Variants in CAMKMT observed in about 807,000 individuals in gnomAD.
The protein encoded by CAMKMT is CaM KMT.
CAMKMT carries 53 observed loss-of-function variants against 48.0 expected under a neutral mutation model. The ratio of observed to expected loss-of-function variants is 1.10; its 90% CI spans 0.89 to 1.39. The LOEUF (loss-of-function observed/expected upper bound fraction) is 1.39. Among genes scored for constraint, CAMKMT ranks in the 40% most tolerant of loss-of-function variants. The pLI is 0.00. For synonymous variants in CAMKMT, 165 were observed against 152.3 expected (o/e 1.08, Z -0.61); for missense variants, 428 against 402.7 (o/e 1.06, Z -0.54).
intron 3 of CAMKMT, among the ~76,000 whole-genome samples, chr2:44,568,059 G>C (rs1443117868): frequency 6.6e-6 from 1 of 151,956 alleles, no homozygotes; most frequent in East Asian, 1.9e-4. Flanking sequence ...CCAGGGGCCA[G>C]GGTGGGGGTG....
intron 2 of CAMKMT, among the ~76,000 whole-genome samples, chr2:44,377,062 A>G (rs886129969): frequency 7.6e-4 from 115 of 152,202 alleles, no homozygotes; most frequent in African/African-American, 2.7e-3. Context: ...GCTGGTATGC[A>G]GTGGCATGAT....
chr2:44,688,867 T>G (rs1405206636), intron 3 of CAMKMT, among the ~76,000 whole-genome samples: 1 of 152,202 alleles, frequency 6.6e-6, no homozygotes, highest in East Asian at 1.9e-4. Context: ...TTAATGAATG[T>G]GTTCTGTTCT....
At position 44,627,339 on chromosome 2, in the gene CAMKMT, A is replaced by AT. The variant is rs762902278; in HGVS notation, c.377-76943dup. Among the ~76,000 whole-genome samples the AT allele has an allele frequency of 9.7e-4, 148 of 152,118 alleles. 1 individual carries two copies. The highest frequency in any genetic ancestry group is 1.3e-3 in the Non-Finnish European group (88 of 68,012). ...TTCATACTAGTTACAGTCTTTTTAA[A>AT]TAAGTTTTATTATAGTTTCTTTTTG... On this transcript the variant is annotated intron_variant, in intron 3 of 10. Transcript: ENST00000378494.
intron 8 of CAMKMT, among the ~76,000 whole-genome samples, chr2:44,746,905 G>T (rs1679941288): frequency 6.6e-6 from 1 of 152,178 alleles, no homozygotes. Flanking sequence ...TAATCTAAGG[G>T]TCTGGAAGTA....
At position 44,614,418 on chromosome 2, in the gene CAMKMT, G is replaced by T. The variant is rs888291917; in HGVS notation, c.377-89865G>T. Among the ~76,000 whole-genome samples the T allele has an allele frequency of 8.5e-5, 13 of 152,296 alleles. No individual in the cohort carries two copies. In the South Asian group the frequency reaches 1.0e-3, roughly 12 times the overall value. Reference sequence around the variant, plus strand: ...CAGTTGCATTGCATTCTTCATATTTGTCGAAGGCACATATTTATTGAATGT... The same window carrying T: ...CAGTTGCATTGCATTCTTCATATTTTTCGAAGGCACATATTTATTGAATGT... On this transcript the variant is annotated intron_variant, in intron 3 of 10. Transcript: ENST00000378494.
chr2:44,470,333 T>G (rs1234651346), intron 3 of CAMKMT, among the ~76,000 whole-genome samples: 1 of 152,196 alleles, frequency 6.6e-6, no homozygotes, highest in Non-Finnish European at 1.5e-5. Flanking sequence ...CAATTTGCAT[T>G]CCACTACCAG....
chr2:44,479,158 T>G (rs554815075), intron 3 of CAMKMT, among the ~76,000 whole-genome samples: 1 of 152,342 alleles, frequency 6.6e-6, no homozygotes, highest in Non-Finnish European at 1.5e-5. Flanking sequence ...CTGGCATCTT[T>G]ATAGTTACTT....
At chr2:44,460,962 G>C (rs1305754775) in intron 3 of CAMKMT, among the ~76,000 whole-genome samples, 1 of 151,956 alleles carries the variant, frequency 6.6e-6, no homozygotes, top group Non-Finnish European at 1.5e-5. Context: ...GCCTCAAAGT[G>C]ATCCACCCGC....
At chr2:44,689,264 T>TTCTATTTA (rs1553438291) in intron 3 of CAMKMT, among the ~76,000 whole-genome samples, 1 of 136,208 alleles carries the variant, frequency 7.3e-6, no homozygotes, top group Non-Finnish European at 1.6e-5. Flanking sequence ...CAGCACTATT[T>TTCTATTTA]TTTATTTATT....
chr2:44,420,838 C>T (rs867203378), intron 3 of CAMKMT, among the ~76,000 whole-genome samples: 24 of 148,246 alleles, frequency 1.6e-4, no homozygotes, highest in Middle Eastern at 6.8e-3. Context: ...TTTTTTTTTT[C>T]CCCCCTTGGG....
chr2:44,612,342 G>A (rs1671646137), intron 3 of CAMKMT, among the ~76,000 whole-genome samples: 1 of 152,144 alleles, frequency 6.6e-6, no homozygotes, highest in African/African-American at 2.4e-5. Context: ...AAAATTTTCA[G>A]TATCTCCCTG....
At chr2:44,505,710 G>C (rs1342982060) in intron 3 of CAMKMT, among the ~76,000 whole-genome samples, 1 of 152,132 alleles carries the variant, frequency 6.6e-6, no homozygotes, top group African/African-American at 2.4e-5. Context: ...CTTGCTGTCA[G>C]AGGCGGAAGA....
chr2:44,715,812 A>G (rs1678147266), intron 7 of CAMKMT, among the ~76,000 whole-genome samples: 1 of 152,180 alleles, frequency 6.6e-6, no homozygotes, highest in South Asian at 2.1e-4. Context: ...CAGGGATTCC[A>G]CTGAACATCC....
At position 44,438,773 on chromosome 2, in the gene CAMKMT, C is replaced by T. The variant is rs560026207; in HGVS notation, c.376+48468C>T. On this transcript the variant is annotated intron_variant, in intron 3 of 10. Transcript: ENST00000378494. ...AGTGCAGTGGCACAATCACGGCTCGCTGCAGCCTTTGCCTCCCAGGTTCAA... is the reference window on the plus strand; with the variant it reads ...AGTGCAGTGGCACAATCACGGCTCGTTGCAGCCTTTGCCTCCCAGGTTCAA... Among the ~76,000 whole-genome samples the T allele has an allele frequency of 2.3e-4, 35 of 152,278 alleles. No homozygotes were observed. The South Asian group carries it at 7.0e-3, about 31-fold the overall frequency.
intron 7 of CAMKMT, among the ~76,000 whole-genome samples, chr2:44,727,696 G>A (rs892969354): frequency 3.3e-5 from 5 of 152,140 alleles, no homozygotes. Context: ...AGTTCTCAAG[G>A]GAAATGGTTT....
chr2:44,524,494 TTTC>T (rs1396444410), intron 3 of CAMKMT, among the ~76,000 whole-genome samples: 5 of 152,190 alleles, frequency 3.3e-5, no homozygotes, highest in African/African-American at 9.7e-5. Flanking sequence ...CTTCTTCCTC[TTTC>T]TTCTTTTTTC....
At chr2:44,562,186 G>C (rs116568822) in intron 3 of CAMKMT, among the ~76,000 whole-genome samples, 1 of 152,158 alleles carries the variant, frequency 6.6e-6, no homozygotes, top group African/African-American at 2.4e-5. Context: ...AGTGAGAGGG[G>C]CTAAGAGCCA....
intron 3 of CAMKMT, among the ~76,000 whole-genome samples, chr2:44,524,952 A>C (rs1280545059): frequency 7.3e-6 from 1 of 137,226 alleles, no homozygotes; most frequent in Non-Finnish European, 1.6e-5. Flanking sequence ...CCTCTCCATA[A>C]GTGCAAATTT....
chr2:44,711,856 T>C (rs1470681311), intron 6 of CAMKMT, among the ~76,000 whole-genome samples: 1 of 152,184 alleles, frequency 6.6e-6, no homozygotes, highest in Non-Finnish European at 1.5e-5. Flanking sequence ...GAGAGATTAA[T>C]TTATCCCAGG....
Sources: gnomAD v4.1 joint callset for allele counts (sites outside exome capture counted in the v4.1 genomes callset) on GRCh38, gnomAD v4.1.1 for gene constraint, MANE v1.5 for transcripts, NCBI Gene and HGNC (gene_info 2026-07-23, HGNC 2026-07-21) for gene names.